Variants in CELF2 observed in about 807,000 individuals in gnomAD.
CELF2 encodes the protein CUG triplet repeat RNA-binding protein 2.
CELF2 carries 8 observed loss-of-function variants against 62.6 expected under a neutral mutation model. The observed-to-expected ratio is 0.13, with a 90% CI of 0.07 to 0.23. The LOEUF (loss-of-function observed/expected upper bound fraction) is 0.23, where lower values mean the gene tolerates loss of function less well. Among genes scored for constraint, CELF2 ranks in the 10% least tolerant of loss-of-function variants. CELF2 has a pLI of 1.00. For missense variants in CELF2, 333 were observed against 671.0 expected, an observed-to-expected ratio of 0.50 and a Z score of 5.56; for synonymous variants, 258 against 250.0, an observed-to-expected ratio of 1.03 and a Z score of -0.30.
intron 1 of CELF2, among the ~76,000 whole-genome samples, chr10:11,072,134 C>T (rs1052861743): frequency 6.6e-5 from 10 of 152,150 alleles, no homozygotes; most frequent in South Asian, 2.1e-4. Flanking sequence ...GAGGTGAGGT[C>T]GAGCAACATT....
chr10:10,957,474 A>G lies in CELF2; in HGVS notation c.89+37475A>G, dbSNP rs183291936. 6.6e-6 allele frequency among the ~76,000 whole-genome samples: 1 copy of G among 152,316 alleles called. No individual in the cohort carries two copies. Among genetic ancestry groups the G allele is most frequent in the Admixed American group, 6.5e-5 (1 of 15,302 alleles). On this transcript the variant is annotated intron_variant, in intron 2 of 13. Coordinates refer to the CELF2 transcript ENST00000636488. This position sits in a 1 kb window ranked among gnomAD's most constrained non-coding sequence, Gnocchi z 4.1. ...TAAGGCCAGAAGAAACCCTACTGGAATTAACCAGGATCTACTTTAAACAAC... is the reference window on the plus strand; with the variant it reads ...TAAGGCCAGAAGAAACCCTACTGGAGTTAACCAGGATCTACTTTAAACAAC...
the CELF2 span, among the ~76,000 whole-genome samples, chr10:10,710,794 T>A: frequency 6.6e-6 from 1 of 152,216 alleles, no homozygotes; most frequent in Non-Finnish European, 1.5e-5. Context: ...GATGTACTTA[T>A]AATTTAATAC....
intron 2 of CELF2, among the ~76,000 whole-genome samples, chr10:10,986,385 T>C (rs568100063): frequency 1.3e-5 from 2 of 152,218 alleles, no homozygotes; most frequent in South Asian, 4.1e-4. Flanking sequence ...TAAAGAATTA[T>C]CTCCTTTACT....
chr10:11,094,241 CAA>C (rs924319057), intron 1 of CELF2, among the ~76,000 whole-genome samples: 3 of 152,200 alleles, frequency 2.0e-5, no homozygotes, highest in African/African-American at 7.2e-5. Flanking sequence ...ACAACAGTGA[CAA>C]GAACTGTGTG....
the CELF2 span, among the ~76,000 whole-genome samples, chr10:10,647,656 C>T: frequency 6.6e-6 from 1 of 152,290 alleles, no homozygotes; most frequent in Admixed American, 6.5e-5. Context: ...GAGCATATCC[C>T]CGGGCCTTGG....
chr10:10,478,562 A>G, the CELF2 span, among the ~76,000 whole-genome samples: 116 of 152,326 alleles, frequency 7.6e-4, no homozygotes, highest in Non-Finnish European at 1.2e-3. Flanking sequence ...AAATACAGTT[A>G]TATAGTCATT....
In CELF2 at chr10:11,189,498, T is replaced by C. The variant is rs940197971; in HGVS notation, c.271+23816T>C. On this transcript the variant is annotated intron_variant, in intron 2 of 12. Transcript: ENST00000633077. ...TCTCTAATCTCACTGAGGGTTTTTT[T>C]CCCCTCACCTGTTCTTCCCTTTTGC... Among the ~76,000 whole-genome samples the C allele has an allele frequency of 7.2e-5, 11 of 152,302 alleles. No individual in the cohort carries two copies. The South Asian group carries it at 1.9e-3, about 26-fold the overall frequency.
At chr10:10,551,961 A>G in the CELF2 span, among the ~76,000 whole-genome samples, 2 of 149,822 alleles carry the variant, frequency 1.3e-5, no homozygotes, top group South Asian at 2.1e-4. Context: ...TTTTTTTTCT[A>G]TATTCCTTAT....
the CELF2 span, among the ~76,000 whole-genome samples, chr10:10,574,929 G>T: frequency 6.7e-6 from 1 of 149,240 alleles, no homozygotes; most frequent in Non-Finnish European, 1.5e-5. Flanking sequence ...TGTTGGCCAG[G>T]CTGGTCTTGA....
the CELF2 span, among the ~76,000 whole-genome samples, chr10:10,658,113 G>T: frequency 3.3e-5 from 5 of 152,188 alleles, no homozygotes; most frequent in African/African-American, 9.6e-5. Flanking sequence ...CTATTCCCCT[G>T]TTGAGAATGG....
the CELF2 span, among the ~76,000 whole-genome samples, chr10:10,472,675 A>G: frequency 6.6e-6 from 1 of 151,922 alleles, no homozygotes; most frequent in African/African-American, 2.4e-5. Context: ...TGTCATGACA[A>G]TGAATTCTGT....
chr10:10,757,486 C>A, the CELF2 span, among the ~76,000 whole-genome samples: 2 of 150,280 alleles, frequency 1.3e-5, no homozygotes, highest in African/African-American at 5.0e-5. Context: ...AATAGACTAA[C>A]TCTGTGAATT....
the CELF2 span, among the ~76,000 whole-genome samples, chr10:10,536,864 T>C: frequency 9.2e-5 from 14 of 152,300 alleles, 1 homozygote; most frequent in South Asian, 1.9e-3. Flanking sequence ...GTTGGGATTA[T>C]TAAAATGCAG....
the CELF2 span, among the ~76,000 whole-genome samples, chr10:10,534,535 G>A: frequency 6.6e-6 from 1 of 152,176 alleles, no homozygotes; most frequent in Non-Finnish European, 1.5e-5. Flanking sequence ...AGGGAGAAAG[G>A]ATAAAGGGAG....
chr10:10,608,138 A>AAACC, the CELF2 span, among the ~76,000 whole-genome samples: 4 of 150,838 alleles, frequency 2.7e-5, no homozygotes, highest in Non-Finnish European at 5.9e-5. Context: ...AAAAACAAAC[A>AAACC]AACAAACAAA....
intron 1 of CELF2, among the ~76,000 whole-genome samples, chr10:11,108,068 C>A (rs1360988397): frequency 8.1e-5 from 1 of 12,400 alleles, no homozygotes; most frequent in Non-Finnish European, 1.7e-4. Flanking sequence ...CCACTCCCTC[C>A]CTCTCCCCAC....
the CELF2 span, among the ~76,000 whole-genome samples, chr10:10,590,312 C>A: frequency 6.6e-6 from 1 of 152,172 alleles, no homozygotes; most frequent in Non-Finnish European, 1.5e-5. Context: ...AATCCCCAGC[C>A]CTCTATTTTA....
At chr10:10,861,855 A>G (rs536420505) in intron 1 of CELF2, among the ~76,000 whole-genome samples, 3 of 152,332 alleles carry the variant, frequency 2.0e-5, no homozygotes, top group Admixed American at 2.0e-4. Flanking sequence ...AAGTTAGACA[A>G]AGGCCCTTGA....
At chr10:11,058,234 C>G (rs2140331766) in intron 1 of CELF2, among the ~76,000 whole-genome samples, 1 of 152,178 alleles carries the variant, frequency 6.6e-6, no homozygotes, top group Middle Eastern at 3.4e-3. Context: ...TTGTTAAGTA[C>G]TGTCTGTGAA....
Sources: allele counts gnomAD v4.1 joint callset (sites outside exome capture counted in the v4.1 genomes callset), GRCh38; gene constraint gnomAD v4.1.1; non-coding constraint Gnocchi (gnomAD v3.1); transcripts MANE v1.5; gene names NCBI Gene and HGNC (gene_info 2026-07-23, HGNC 2026-07-21).